CLIC5: variants seen among roughly 807,000 people sequenced by gnomAD.
CLIC5 encodes chloride intracellular channel protein 5.
CLIC5 carries 20 observed loss-of-function variants against 24.7 expected under a neutral mutation model. The observed-to-expected ratio is 0.81, with a 90% confidence interval of 0.57 to 1.18. CLIC5 has a LOEUF of 1.18. CLIC5 is among the 50% of genes most tolerant of loss of function. The pLI is 0.00. For synonymous variants in CLIC5, 159 were observed against 135.6 expected (o/e 1.17, Z -1.20); for missense variants, 341 against 326.1 (o/e 1.05, Z -0.35).
chr6:46,044,344 A>C (rs982411694), intron 1 of CLIC5, among the ~76,000 whole-genome samples: 2 of 152,180 alleles, frequency 1.3e-5, no homozygotes, highest in African/African-American at 4.8e-5. Context: ...AGTAGTACCC[A>C]AAGAGGGTAC....
the CLIC5 span, among the ~76,000 whole-genome samples, chr6:46,091,181 T>C: frequency 2.6e-5 from 4 of 152,168 alleles, no homozygotes; most frequent in Non-Finnish European, 5.9e-5. Flanking sequence ...ACTAGATGGG[T>C]ACAATATGTC....
chr6:46,114,895 T>C, the CLIC5 span, among the ~76,000 whole-genome samples: 1 of 152,012 alleles, frequency 6.6e-6, no homozygotes, highest in East Asian at 1.9e-4. Context: ...ATGGAGGTCA[T>C]GGGTGGCTAG....
intron 3 of CLIC5, among the ~76,000 whole-genome samples, chr6:45,946,240 C>T (rs1764284623): frequency 1.3e-5 from 2 of 152,276 alleles, no homozygotes; most frequent in South Asian, 2.1e-4. Context: ...AAGGCAAGGG[C>T]CAGAATGTCT....
chr6:45,918,424 C>G (rs1239323417), intron 4 of CLIC5, among the ~76,000 whole-genome samples: 1 of 152,200 alleles, frequency 6.6e-6, no homozygotes, highest in African/African-American at 2.4e-5. Context: ...AAGAACAGCT[C>G]AGCCCTGGTT....
chr6:46,061,190 T>C (rs1330354193), intron 1 of CLIC5, among the ~76,000 whole-genome samples: 1 of 151,598 alleles, frequency 6.6e-6, no homozygotes, highest in Non-Finnish European at 1.5e-5. Flanking sequence ...TTTTTGTTTG[T>C]TTGTTTGTTT....
intron 1 of CLIC5, among the ~76,000 whole-genome samples, chr6:46,075,916 C>T (rs1002910429): frequency 6.6e-6 from 1 of 152,054 alleles, no homozygotes; most frequent in Admixed American, 6.5e-5. Flanking sequence ...TTCTTTTCAC[C>T]CACATCAAAT....
At chr6:45,882,648 CA>C (rs1762273369) in intron 6 of CLIC5, among the ~76,000 whole-genome samples, 1 of 152,196 alleles carries the variant, frequency 6.6e-6, no homozygotes, top group Non-Finnish European at 1.5e-5. Flanking sequence ...TTTGTTTTAT[CA>C]CCCTTAAAAT....
chr6:46,105,364 C>T, the CLIC5 span, among the ~76,000 whole-genome samples: 4 of 152,194 alleles, frequency 2.6e-5, no homozygotes, highest in Admixed American at 2.6e-4. Context: ...TCATTAAAAG[C>T]CAATATTCAA....
chr6:46,100,356 A>G, the CLIC5 span, among the ~76,000 whole-genome samples: 188 of 152,348 alleles, frequency 1.2e-3, no homozygotes, highest in African/African-American at 4.4e-3. Flanking sequence ...TTTAAAGATG[A>G]AAAAACTGAG....
At chr6:46,083,099 C>T (rs373886736), upstream of CLIC5, among the ~76,000 whole-genome samples, 6 of 152,284 alleles carry the variant, frequency 3.9e-5, no homozygotes, top group East Asian at 1.9e-4. Context: ...TATTTTTTCA[C>T]GTTGCTATAT....
At position 45,898,586 on chromosome 6, in the gene CLIC5, T is replaced by C. The variant is rs1376885173; in HGVS notation, c.*4502A>G. 1 of 152,646 alleles carries C rather than the reference T, an allele frequency of 6.6e-6. No homozygotes were observed. 9.5% of individuals were successfully genotyped at this position (152,646 alleles called of 1,614,324 possible). A position where few individuals can be genotyped will look rare whatever the true frequency, so the allele number is the denominator to read the frequency against. Reference sequence around the variant, plus strand: ...ATCTTCATTAAAAGGCATTTTACATTTATTAAGGCTTGAAAGCAAGTCCTG... The same window carrying C: ...ATCTTCATTAAAAGGCATTTTACATCTATTAAGGCTTGAAAGCAAGTCCTG... On this transcript the variant is annotated 3_prime_UTR_variant, in exon 6 of 6. Coordinates refer to ENST00000339561, the MANE Select transcript of CLIC5 (RefSeq NM_016929.5).
Position 45,901,610 on chromosome 6 carries a change from A to G in CLIC5, c.*1478T>C, listed in dbSNP as rs565564962. The stretch of plus-strand genomic sequence containing the variant: ...GAAGGTAAGGGCCTGTGGCAAATGG[A>G]TTTTCTCACCGGGCGTTCACTGGGA... On this transcript the variant is annotated 3_prime_UTR_variant, in exon 6 of 6. Coordinates refer to ENST00000339561, the MANE Select transcript of CLIC5 (RefSeq NM_016929.5). 6.6e-6 allele frequency: 1 copy of G among 152,046 alleles called. No individual in the cohort carries two copies. Among genetic ancestry groups the G allele is most frequent in the East Asian group, 1.9e-4 (1 of 5,144 alleles). 9.4% of individuals were successfully genotyped at this position (152,046 alleles called of 1,614,324 possible).
chr6:45,998,816 G>A (rs1581843473), intron 1 of CLIC5, among the ~76,000 whole-genome samples: 1 of 152,150 alleles, frequency 6.6e-6, no homozygotes, highest in Non-Finnish European at 1.5e-5. Context: ...TCTTGGAAGG[G>A]TACCTAGGTC....
At chr6:45,894,383 C>CTT (rs1762377043), downstream of CLIC5, among the ~76,000 whole-genome samples, 1 of 152,020 alleles carries the variant, frequency 6.6e-6, no homozygotes. Context: ...AAGAAGCTAG[C>CTT]TTATTGGTAC....
At chr6:46,057,190 T>C (rs1349706278) in intron 1 of CLIC5, among the ~76,000 whole-genome samples, 1 of 152,248 alleles carries the variant, frequency 6.6e-6, no homozygotes, top group Non-Finnish European at 1.5e-5. Flanking sequence ...ATCTCAACTT[T>C]AATTGTATCC....
chr6:45,963,338 G>C (rs1187551413), intron 1 of CLIC5, among the ~76,000 whole-genome samples: 2 of 152,302 alleles, frequency 1.3e-5, no homozygotes, highest in Middle Eastern at 3.4e-3. Context: ...AGTCTGTGCA[G>C]TTGCATGGGG....
chr6:45,945,754 A>AC (rs1371399914), intron 3 of CLIC5, among the ~76,000 whole-genome samples: 10 of 151,838 alleles, frequency 6.6e-5, no homozygotes, highest in African/African-American at 2.4e-4. Context: ...CTGTTTCTCT[A>AC]CCTCCCAGAG....
At chr6:46,045,654 G>A (rs1767933108) in intron 1 of CLIC5, among the ~76,000 whole-genome samples, 1 of 152,172 alleles carries the variant, frequency 6.6e-6, no homozygotes, top group Non-Finnish European at 1.5e-5. Flanking sequence ...AAAGCAGTAA[G>A]CCAGAGAGGA....
At position 46,015,544 on chromosome 6, in the gene CLIC5, C is replaced by T. The variant is rs1285120680; in HGVS notation, c.-2G>A. On this transcript the variant is annotated 5_prime_UTR_variant, in exon 1 of 6. Coordinates refer to ENST00000339561, the MANE Select transcript of CLIC5 (RefSeq NM_016929.5). ...GTTAGCTGTCGCCGAGTCTGTCATG[C>T]CGTTGGCGCCCGGGGCTACCGTCCC... 3 of 1,571,088 alleles carry T rather than the reference C, an allele frequency of 1.9e-6. No individual in the cohort carries two copies. Among genetic ancestry groups the T allele is most frequent in the Non-Finnish European group, 2.6e-6 (3 of 1,160,086 alleles).
Sources: gnomAD v4.1 joint callset for allele counts (sites outside exome capture counted in the v4.1 genomes callset) on GRCh38, gnomAD v4.1.1 for gene constraint, MANE v1.5 for transcripts, NCBI Gene and HGNC (gene_info 2026-07-23, HGNC 2026-07-21) for gene names.